SLC44A1: variants seen among roughly 807,000 people sequenced by gnomAD.
SLC44A1 encodes choline transporter-like protein 1.
SLC44A1 carries 26 observed loss-of-function variants against 79.3 expected under a neutral mutation model. The ratio of observed to expected loss-of-function variants is 0.33; its 90% CI spans 0.24 to 0.46. SLC44A1 has a LOEUF of 0.46. SLC44A1 is among the 20% of genes least tolerant of loss of function. SLC44A1 has a pLI of 1.00. For missense variants in SLC44A1, 688 were observed against 798.1 expected (o/e 0.86, Z 1.66); for synonymous variants, 263 against 286.2 (o/e 0.92, Z 0.82).
intron 1 of SLC44A1, among the ~76,000 whole-genome samples, chr9:105,264,140 A>C (rs1311557375): frequency 1.3e-5 from 2 of 151,914 alleles, no homozygotes; most frequent in African/African-American, 4.8e-5. Context: ...TATCATCATA[A>C]CTTTGTTTGG....
In SLC44A1 at chr9:105,244,851, G is replaced by A. The variant is rs1236701787; in HGVS notation, c.-18G>A. The A allele has an allele frequency of 8.8e-7, 1 of 1,130,538 alleles. No individual in the cohort carries two copies. The highest frequency in any genetic ancestry group is 4.9e-5 in the Admixed American group (1 of 20,326). The allele number at this position is 1,130,538 out of a possible 1,614,324, so 70.0% of individuals were successfully genotyped here. ...AGCTGCGCGCCCGGCGCCGCCTCCG[G>A]GCTCCTTCGGCCCCGCCATGGGCTG... On this transcript the variant is annotated 5_prime_UTR_variant, in exon 1 of 16. Coordinates refer to ENST00000374720, the MANE Select transcript of SLC44A1 (RefSeq NM_080546.5).
chr9:105,367,839 A>G (rs1827986250), intron 12 of SLC44A1, among the ~76,000 whole-genome samples: 1 of 152,152 alleles, frequency 6.6e-6, no homozygotes, highest in South Asian at 2.1e-4. Context: ...TCAAATACTA[A>G]CAACACTATA....
intron 4 of SLC44A1, among the ~76,000 whole-genome samples, chr9:105,344,162 T>A (rs1234640733): frequency 6.6e-6 from 1 of 152,210 alleles, no homozygotes; most frequent in African/African-American, 2.4e-5. Context: ...TGCAAATTTT[T>A]AAATCATATT....
chr9:105,335,579 G>T lies in SLC44A1; in HGVS notation c.286G>T (p.Asp96Tyr). Reference protein sequence around the residue: ...HTQRKYVFFLDPCNLDLINRK... With the variant: ...HTQRKYVFFLYPCNLDLINRK... ...ATGCTTTAGGTATGTATTCTTTTTG[G>T]ATCCATGCAACCTGGACTTGATAAA... Residue 96 changes from aspartate to tyrosine, a missense_variant, in exon 4 of 16, where the codon GAT becomes TAT. Transcript: ENST00000374720. 6.2e-7 allele frequency: 1 copy of T among 1,611,064 alleles called. No individual in the cohort carries two copies. The highest frequency in any genetic ancestry group is 2.2e-5 in the East Asian group (1 of 44,782).
chr9:105,399,687 G>C (rs918905757), downstream of SLC44A1, among the ~76,000 whole-genome samples: 3 of 151,984 alleles, frequency 2.0e-5, no homozygotes, highest in Non-Finnish European at 4.4e-5. Context: ...GGAAGGACTG[G>C]GCAGGCATTC....
chr9:105,435,740 T>C (rs1258829792), intron 15 of SLC44A1, among the ~76,000 whole-genome samples: 1 of 152,162 alleles, frequency 6.6e-6, no homozygotes, highest in African/African-American at 2.4e-5. Context: ...CCTTACAGTA[T>C]GGAGTTTAGC....
In SLC44A1 at chr9:105,252,485, A is replaced by G. The variant is rs544890876; in HGVS notation, c.36+7581A>G. Reference sequence around the variant, plus strand: ...GATTCTTCTTTGGAAGACTCTTAACAGCATGTTCAGGGCTCTCTTAAGCAG... The same window carrying G: ...GATTCTTCTTTGGAAGACTCTTAACGGCATGTTCAGGGCTCTCTTAAGCAG... On this transcript the variant is annotated intron_variant, in intron 1 of 15. Coordinates refer to ENST00000374720, the MANE Select transcript of SLC44A1 (RefSeq NM_080546.5). Among the ~76,000 whole-genome samples the G allele has an allele frequency of 4.6e-5, 7 of 152,318 alleles. No individual in the cohort carries two copies. The South Asian group carries it at 1.0e-3, about 23-fold the overall frequency.
chr9:105,390,978 G>A lies in SLC44A1; in HGVS notation c.*1922G>A. On this transcript the variant is annotated 3_prime_UTR_variant, in exon 16 of 16. Coordinates refer to ENST00000374720, the MANE Select transcript of SLC44A1 (RefSeq NM_080546.5). ...ATAACTAACAATTGTCCAAATAGAT[G>A]AGAGAGCAAATCATGTGAGAAAATT... is the stretch of plus-strand genomic sequence containing the variant. The A allele has an allele frequency of 1.0e-6, 1 of 984,112 alleles. No homozygotes were observed. Among genetic ancestry groups the A allele is most frequent in the Non-Finnish European group, 1.2e-6 (1 of 828,434 alleles). 61.0% of individuals were successfully genotyped at this position (984,112 alleles called of 1,614,324 possible).
intron 13 of SLC44A1, among the ~76,000 whole-genome samples, chr9:105,379,679 C>T (rs1199313019): frequency 6.6e-6 from 1 of 152,160 alleles, no homozygotes; most frequent in East Asian, 1.9e-4. Context: ...GGGACCTTAG[C>T]TCTTCTAGTT....
chr9:105,309,315 A>G (rs1026240745), intron 2 of SLC44A1, among the ~76,000 whole-genome samples: 9 of 152,316 alleles, frequency 5.9e-5, no homozygotes, highest in African/African-American at 2.2e-4. Flanking sequence ...ACTAGCTTTG[A>G]TGGCCTTGGA....
chr9:105,351,912 T>C (rs1827460068), intron 5 of SLC44A1, among the ~76,000 whole-genome samples: 1 of 152,172 alleles, frequency 6.6e-6, no homozygotes, highest in Non-Finnish European at 1.5e-5. Context: ...GGAATTTGAA[T>C]CCAGGATGTT....
In SLC44A1 at chr9:105,391,337, A is replaced by G. The variant is rs1055503238; in HGVS notation, c.*2281A>G. 1.9e-5 allele frequency: 19 copies of G among 985,264 alleles called. No homozygotes were observed. In the East Asian group the frequency reaches 4.5e-4, roughly 24 times the overall value. The allele number at this position is 985,264 out of a possible 1,614,324, so 61.0% of individuals were successfully genotyped here. ...TCAGAAAGAAATTTTGTATTTTTGTATAACTTGATTGTGTGCCATTTTATA... is the reference window on the plus strand; with the variant it reads ...TCAGAAAGAAATTTTGTATTTTTGTGTAACTTGATTGTGTGCCATTTTATA... On this transcript the variant is annotated 3_prime_UTR_variant, in exon 16 of 16. Transcript: ENST00000374720.
intron 1 of SLC44A1, among the ~76,000 whole-genome samples, chr9:105,266,426 A>G (rs1829963340): frequency 6.6e-6 from 1 of 151,990 alleles, no homozygotes; most frequent in South Asian, 2.1e-4. Flanking sequence ...TTATTCTAAA[A>G]TTTTCTAGTT....
intron 1 of SLC44A1, among the ~76,000 whole-genome samples, chr9:105,245,509 GCTTGCACCCCATCCCCC>G (rs1205223627): frequency 1.3e-5 from 2 of 152,160 alleles, no homozygotes; most frequent in East Asian, 3.9e-4. Flanking sequence ...TCGCTTGCTC[GCTTGCACCCCATCCCCC>G]CTTAGTGCCG....
chr9:105,271,284 G>A (rs901979730), intron 1 of SLC44A1, among the ~76,000 whole-genome samples: 1 of 152,204 alleles, frequency 6.6e-6, no homozygotes, highest in East Asian at 1.9e-4. Flanking sequence ...TTTCTAGAAG[G>A]TTCTGACAAA....
intron 15 of SLC44A1, among the ~76,000 whole-genome samples, chr9:105,412,501 A>G (rs1216098984): frequency 2.0e-5 from 3 of 152,228 alleles, no homozygotes; most frequent in Non-Finnish European, 2.9e-5. Context: ...TTTAATGGAA[A>G]CTGGTATTTG....
chr9:105,423,029 A>T (rs10121304), intron 15 of SLC44A1, among the ~76,000 whole-genome samples: 6,190 of 152,296 alleles, frequency 0.041, 406 homozygotes, highest in African/African-American at 0.14. Context: ...GAACAAAGGA[A>T]AACTGGGACG....
At chr9:105,260,857 G>A (rs1444689375) in intron 1 of SLC44A1, among the ~76,000 whole-genome samples, 1 of 152,140 alleles carries the variant, frequency 6.6e-6, no homozygotes. Context: ...ATGACCATTC[G>A]GAGATGGAAT....
At chr9:105,403,214 T>C (rs1828981351) in intron 15 of SLC44A1, among the ~76,000 whole-genome samples, 1 of 152,132 alleles carries the variant, frequency 6.6e-6, no homozygotes, top group Non-Finnish European at 1.5e-5. Context: ...CACAGTGCAT[T>C]GAAGCCTTAA....
Sources: allele counts gnomAD v4.1 joint callset (sites outside exome capture counted in the v4.1 genomes callset), GRCh38; gene constraint gnomAD v4.1.1; transcripts MANE v1.5; gene names NCBI Gene and HGNC (gene_info 2026-07-23, HGNC 2026-07-21).